The following OTUD7B variants were observed in gnomAD, a reference collection of about 807,000 sequenced individuals.
The protein encoded by OTUD7B is OTU deubiquitinase 7B.
A neutral mutation model predicts 82.2 loss-of-function variants in OTUD7B; 34 were observed. The observed-to-expected ratio is 0.41, with a 90% CI of 0.31 to 0.55. The LOEUF (loss-of-function observed/expected upper bound fraction) is 0.55. Among genes scored for constraint, OTUD7B ranks in the 20% least tolerant of loss-of-function variants. The pLI is 0.20. For missense variants in OTUD7B, 944 were observed against 1,062.1 expected (o/e 0.89, Z 1.55); for synonymous variants, 398 against 402.7 (o/e 0.99, Z 0.14).
chr1:150,060,983 C>T, the OTUD7B span, among the ~76,000 whole-genome samples: 1 of 151,956 alleles, frequency 6.6e-6, no homozygotes, highest in Non-Finnish European at 1.5e-5. Flanking sequence ...TGCAGTGGAA[C>T]GTTCATGGCT....
intron 1 of OTUD7B, among the ~76,000 whole-genome samples, chr1:150,005,894 T>G (rs1652630344): frequency 1.3e-5 from 2 of 152,284 alleles, no homozygotes; most frequent in South Asian, 2.1e-4. Context: ...TTCTCAGACA[T>G]AAGACAGACA....
chr1:150,059,365 A>G, the OTUD7B span, among the ~76,000 whole-genome samples: 1 of 21,978 alleles, frequency 4.6e-5, no homozygotes, highest in Non-Finnish European at 7.6e-5. Flanking sequence ...GCCACTTTTC[A>G]TATTCTTTCT....
Position 149,967,516 on chromosome 1 carries a change from G to A in OTUD7B, c.280C>T (p.Arg94Cys), listed in dbSNP as rs753757221. 1.9e-5 allele frequency: 31 copies of A among 1,593,322 alleles called. No individual in the cohort carries two copies. Among genetic ancestry groups the A allele is most frequent in the African/African-American group, 2.7e-5 (2 of 74,186 alleles). Reference protein sequence around the residue: ...QRQDDIVQEKRLSRGISHASS... With the variant: ...QRQDDIVQEKCLSRGISHASS... ...GCGTGGGAGATGCCCCTAGACAGGCGTTTTTCTGCAATGAGAAATGGAGTC... is the reference window on the plus strand; with the variant it reads ...GCGTGGGAGATGCCCCTAGACAGGCATTTTTCTGCAATGAGAAATGGAGTC... The change falls in exon 4 of 12, where the codon CGC becomes TGC. Residue 94 changes from arginine to cysteine, a missense_variant. Arg to Cys is a radical substitution (Grantham distance 180). This residue lies in a region of OTUD7B where 530 missense variants were observed against 625.6 expected (regional missense o/e 0.85). Transcript: ENST00000581312.
At chr1:150,030,692 C>T in the OTUD7B span, among the ~76,000 whole-genome samples, 1 of 152,172 alleles carries the variant, frequency 6.6e-6, no homozygotes, top group African/African-American at 2.4e-5. Flanking sequence ...TCCTCAACTC[C>T]CATTTGCTCT....
At chr1:149,946,144 C>T (rs980897433) in intron 11 of OTUD7B, among the ~76,000 whole-genome samples, 2 of 151,676 alleles carry the variant, frequency 1.3e-5, no homozygotes, top group African/African-American at 4.9e-5. Flanking sequence ...TTTCGGGGGC[C>T]AAGGCAGGCG....
chr1:150,025,544 T>A, the OTUD7B span, among the ~76,000 whole-genome samples: 1 of 152,092 alleles, frequency 6.6e-6, no homozygotes, highest in Admixed American at 6.6e-5. Context: ...TATTACAACT[T>A]CTTTCTGCAT....
chr1:150,052,939 A>G, the OTUD7B span, among the ~76,000 whole-genome samples: 34 of 152,306 alleles, frequency 2.2e-4, no homozygotes, highest in South Asian at 6.6e-3. Context: ...CAATAGAGAA[A>G]AGACTCCCTA....
At chr1:149,979,140 A>G (rs1201787428) in intron 1 of OTUD7B, among the ~76,000 whole-genome samples, 2 of 152,056 alleles carry the variant, frequency 1.3e-5, no homozygotes, top group Non-Finnish European at 2.9e-5. Context: ...TCCAACATCT[A>G]GTGTAGCATC....
chr1:150,015,561 G>A (rs147416383), upstream of OTUD7B, among the ~76,000 whole-genome samples: 19 of 152,090 alleles, frequency 1.2e-4, no homozygotes, highest in East Asian at 3.9e-4. Flanking sequence ...GATTACAAGC[G>A]TGAGCCCAAA....
chr1:149,948,376 C>CTT (rs1170239992), intron 10 of OTUD7B, among the ~76,000 whole-genome samples: 353 of 142,234 alleles, frequency 2.5e-3, no homozygotes, highest in South Asian at 0.019. Context: ...TTCTTTCTTT[C>CTT]TTTTTTTTTT....
intron 1 of OTUD7B, among the ~76,000 whole-genome samples, chr1:149,980,334 A>G (rs1553779407): frequency 6.6e-6 from 1 of 151,816 alleles, no homozygotes; most frequent in Non-Finnish European, 1.5e-5. Context: ...AACCCCACCC[A>G]ACAGGTGAGA....
rs587665848 is a variant in OTUD7B at position 149,988,429 on chromosome 1, G to C, written c.-66-10853C>G. 8.3e-4 allele frequency among the ~76,000 whole-genome samples: 127 copies of C among 152,166 alleles called. 1 individual carries two copies. The highest frequency in any genetic ancestry group is 6.8e-3 in the Middle Eastern group (2 of 294). On this transcript the variant is annotated intron_variant, in intron 1 of 11. Transcript: ENST00000581312. The stretch of plus-strand genomic sequence containing the variant: ...GCAGGCCTGATATAAAACTCCAACA[G>C]ACAAATCCCATCAATAACCAAAGGG...
chr1:149,981,818 A>C (rs781960117), intron 1 of OTUD7B, among the ~76,000 whole-genome samples: 15 of 152,206 alleles, frequency 9.9e-5, no homozygotes, highest in Non-Finnish European at 2.2e-4. Flanking sequence ...GTCAAGAATA[A>C]AAACTAACAA....
intron 1 of OTUD7B, among the ~76,000 whole-genome samples, chr1:150,002,239 A>AAATT (rs1652343963): frequency 6.6e-6 from 1 of 151,786 alleles, no homozygotes; most frequent in Admixed American, 6.6e-5. Context: ...ACTTTTAATC[A>AAATT]GTGCCCAATT....
chr1:150,034,445 T>TATC, the OTUD7B span, among the ~76,000 whole-genome samples: 1 of 152,204 alleles, frequency 6.6e-6, no homozygotes, highest in Admixed American at 6.5e-5. Flanking sequence ...GCCCTATAGA[T>TATC]ATCACACACA....
the OTUD7B span, among the ~76,000 whole-genome samples, chr1:150,018,235 C>T: frequency 6.6e-6 from 1 of 151,996 alleles, no homozygotes; most frequent in Admixed American, 6.6e-5. Context: ...CTAGAAGCAC[C>T]CAAGGGAAAA....
Position 149,941,985 on chromosome 1 carries a change from C to G in OTUD7B, c.*1872G>C, listed in dbSNP as rs1647290816. ...TAATAGCCATAGGAAATTATTAAATCAGATTTGGAAAATAGGTGACTTCTG... is the reference window on the plus strand; with the variant it reads ...TAATAGCCATAGGAAATTATTAAATGAGATTTGGAAAATAGGTGACTTCTG... On this transcript the variant is annotated 3_prime_UTR_variant, in exon 12 of 12. Coordinates refer to ENST00000581312, the MANE Select transcript of OTUD7B (RefSeq NM_020205.4). The G allele has an allele frequency of 6.6e-6, 1 of 152,182 alleles. No homozygotes were observed. Among genetic ancestry groups the G allele is most frequent in the African/African-American group, 2.4e-5 (1 of 41,412 alleles). 9.4% of individuals were successfully genotyped at this position (152,182 alleles called of 1,614,324 possible). A position where few individuals can be genotyped will look rare whatever the true frequency, so the allele number is the denominator to read the frequency against.
chr1:150,032,832 CA>C, the OTUD7B span, among the ~76,000 whole-genome samples: 1 of 152,116 alleles, frequency 6.6e-6, no homozygotes, highest in African/African-American at 2.4e-5. Context: ...TTGGCCAAAA[CA>C]GTATTCTTTT....
the OTUD7B span, among the ~76,000 whole-genome samples, chr1:150,060,595 A>AAGATATGTC: frequency 6.6e-6 from 1 of 152,188 alleles, no homozygotes; most frequent in African/African-American, 2.4e-5. Context: ...TCTGACATAC[A>AAGATATGTC]AGATATGCAA....
Sources: allele counts gnomAD v4.1 joint callset (sites outside exome capture counted in the v4.1 genomes callset), GRCh38; gene constraint gnomAD v4.1.1; regional missense constraint gnomAD v4.1.1; transcripts MANE v1.5; gene names NCBI Gene and HGNC (gene_info 2026-07-23, HGNC 2026-07-21).